Variants in JAZF1 observed in about 807,000 individuals in gnomAD.
JAZF1 encodes the protein JAZF zinc finger 1, also known as juxtaposed with another zinc finger protein 1.
In JAZF1, 8 loss-of-function variants were observed where a neutral mutation model predicts 26.4. The ratio of observed to expected loss-of-function variants is 0.30; its 90% CI spans 0.18 to 0.55. The LOEUF is 0.55. Among genes scored for constraint, JAZF1 ranks in the 20% least tolerant of loss-of-function variants. The pLI, the probability that JAZF1 is intolerant of heterozygous loss-of-function variation, is 0.94. For missense variants in JAZF1, 199 were observed against 322.0 expected (o/e 0.62, Z 2.92); for synonymous variants, 126 against 122.3 (o/e 1.03, Z -0.20).
At chr7:28,129,047 A>C (rs1363815762) in intron 1 of JAZF1, among the ~76,000 whole-genome samples, 1 of 151,592 alleles carries the variant, frequency 6.6e-6, no homozygotes, top group African/African-American at 2.4e-5. Flanking sequence ...TTTATGCAAG[A>C]CTCTTTTCCT....
At chr7:28,028,820 A>T (rs768512167) in intron 1 of JAZF1, among the ~76,000 whole-genome samples, 3 of 152,174 alleles carry the variant, frequency 2.0e-5, no homozygotes, top group Non-Finnish European at 2.9e-5. Context: ...TAAAGACAAA[A>T]ATCCTTGCCA....
chr7:28,036,139 T>C (rs1390264253), intron 1 of JAZF1, among the ~76,000 whole-genome samples: 2 of 152,232 alleles, frequency 1.3e-5, no homozygotes, highest in Non-Finnish European at 2.9e-5. Context: ...ATGTAACAAC[T>C]GTGGGGGAAA....
intron 1 of JAZF1, among the ~76,000 whole-genome samples, chr7:28,171,041 T>C (rs520161): frequency 0.7 from 106,073 of 152,088 alleles, 37,310 homozygotes; most frequent in Admixed American, 0.79. Flanking sequence ...CTATCTCATA[T>C]AAATAAGACT....
chr7:28,047,256 T>C (rs1308483097), intron 1 of JAZF1, among the ~76,000 whole-genome samples: 3 of 152,156 alleles, frequency 2.0e-5, no homozygotes, highest in Non-Finnish European at 4.4e-5. Flanking sequence ...TATTTTAAAA[T>C]CTGGTGGGGC....
intron 2 of JAZF1, among the ~76,000 whole-genome samples, chr7:27,959,308 C>T (rs897576120): frequency 5.3e-5 from 8 of 152,206 alleles, no homozygotes; most frequent in Non-Finnish European, 1.2e-4. Context: ...CATTCTCCCT[C>T]TCTAGCTAGC....
intron 2 of JAZF1, among the ~76,000 whole-genome samples, chr7:27,945,186 TG>T (rs1413184347): frequency 6.6e-6 from 1 of 152,114 alleles, no homozygotes; most frequent in East Asian, 1.9e-4. Flanking sequence ...ACACCGCTGT[TG>T]GACACACTGT....
intron 1 of JAZF1, among the ~76,000 whole-genome samples, chr7:28,054,138 C>T (rs907265211): frequency 1.3e-5 from 2 of 152,172 alleles, no homozygotes; most frequent in Non-Finnish European, 2.9e-5. Context: ...ATTCTATTTT[C>T]CACAGAGCAT....
At chr7:28,040,740 T>C (rs953202539) in intron 1 of JAZF1, among the ~76,000 whole-genome samples, 1 of 152,152 alleles carries the variant, frequency 6.6e-6, no homozygotes, top group East Asian at 1.9e-4. Flanking sequence ...AAAACACTAA[T>C]GTACAGCAAT....
At chr7:28,054,845 C>A (rs958861870) in intron 1 of JAZF1, among the ~76,000 whole-genome samples, 1 of 151,980 alleles carries the variant, frequency 6.6e-6, no homozygotes, top group Admixed American at 6.6e-5. Flanking sequence ...GCTGAAAAGA[C>A]GGCTGGCGCT....
At chr7:28,123,888 A>T (rs190788357) in intron 1 of JAZF1, among the ~76,000 whole-genome samples, 67 of 152,326 alleles carry the variant, frequency 4.4e-4, no homozygotes, top group African/African-American at 1.6e-3. Context: ...TTCTAACCTA[A>T]CCAGAAGTCA....
At chr7:28,108,640 C>T (rs547811934) in intron 1 of JAZF1, among the ~76,000 whole-genome samples, 21 of 152,242 alleles carry the variant, frequency 1.4e-4, no homozygotes, top group Admixed American at 5.9e-4. Context: ...AAAAACAGTA[C>T]GAAGGTGCCT....
At chr7:28,010,454 A>G (rs1329497573) in intron 1 of JAZF1, among the ~76,000 whole-genome samples, 2 of 152,034 alleles carry the variant, frequency 1.3e-5, no homozygotes, top group Non-Finnish European at 2.9e-5. Context: ...CACCCCTATA[A>G]ATAGCCCCCA....
At position 27,895,101 on chromosome 7, in the gene JAZF1, C is replaced by T. The variant is rs964348868; in HGVS notation, c.385+119G>A. On this transcript the variant is annotated intron_variant, in intron 3 of 4. Transcript: ENST00000283928. ...ATATGTAGACTAGTGAAAGGATCAACGATGTGGTGGGTCTGTGTCGTCATC... is the reference window on the plus strand; with the variant it reads ...ATATGTAGACTAGTGAAAGGATCAATGATGTGGTGGGTCTGTGTCGTCATC... The T allele has an allele frequency of 5.2e-5, 26 of 499,074 alleles. 1 individual carries two copies. Among genetic ancestry groups the T allele is most frequent in the Non-Finnish European group, 8.3e-5 (24 of 287,492 alleles). The allele number at this position is 499,074 out of a possible 1,614,324, so 30.9% of individuals were successfully genotyped here. A position where few individuals can be genotyped will look rare whatever the true frequency, so the allele number is the denominator to read the frequency against.
At chr7:28,057,916 G>C (rs1422589510) in intron 1 of JAZF1, among the ~76,000 whole-genome samples, 1 of 152,076 alleles carries the variant, frequency 6.6e-6, no homozygotes, top group African/African-American at 2.4e-5. Flanking sequence ...TCTTGATCCT[G>C]TCTAATGTAA....
intron 1 of JAZF1, among the ~76,000 whole-genome samples, chr7:28,162,197 G>T (rs1783303300): frequency 6.6e-6 from 1 of 152,210 alleles, no homozygotes; most frequent in Non-Finnish European, 1.5e-5. Context: ...TACAGTAATA[G>T]AATTATAGCT....
chr7:28,067,840 C>A (rs34129554), intron 1 of JAZF1, among the ~76,000 whole-genome samples: 6,544 of 152,276 alleles, frequency 0.043, 210 homozygotes, highest in Non-Finnish European at 0.061. Flanking sequence ...AGGCGAGGAA[C>A]AGAACCTAGA....
intron 1 of JAZF1, among the ~76,000 whole-genome samples, chr7:28,074,894 T>C (rs890079526): frequency 6.6e-6 from 1 of 152,126 alleles, no homozygotes; most frequent in Non-Finnish European, 1.5e-5. Context: ...TAATGACTAG[T>C]CTAAGCATTT....
At chr7:27,932,637 A>T (rs1157149287) in intron 2 of JAZF1, among the ~76,000 whole-genome samples, 1 of 152,228 alleles carries the variant, frequency 6.6e-6, no homozygotes, top group Non-Finnish European at 1.5e-5. Context: ...CTTCAAACTA[A>T]TCTTTTATTT....
At chr7:28,018,907 G>A (rs746513640) in intron 1 of JAZF1, among the ~76,000 whole-genome samples, 3 of 152,204 alleles carry the variant, frequency 2.0e-5, no homozygotes, top group Non-Finnish European at 4.4e-5. Flanking sequence ...GTTGGAGTCT[G>A]TCCTCACTTG....
Sources: allele counts gnomAD v4.1 joint callset (sites outside exome capture counted in the v4.1 genomes callset), GRCh38; gene constraint gnomAD v4.1.1; transcripts MANE v1.5; gene names NCBI Gene and HGNC (gene_info 2026-07-23, HGNC 2026-07-21).